CUL5: variants seen among roughly 807,000 people sequenced by gnomAD.
The protein encoded by CUL5 is cullin-5.
Under a neutral mutation model 108.8 loss-of-function variants are expected in CUL5, and 26 were observed. The ratio of observed to expected loss-of-function variants is 0.24; its 90% confidence interval spans 0.18 to 0.33. The LOEUF is 0.33. CUL5 is among the 10% of genes least tolerant of loss of function. The pLI is 1.00. For missense variants in CUL5, 524 were observed against 909.2 expected (o/e 0.58, Z 5.45); for synonymous variants, 334 against 298.0 (o/e 1.12, Z -1.25).
rs1009801864 is a variant in CUL5 at position 108,045,880 on chromosome 11, A to T, written c.135-390A>T. On this transcript the variant is annotated intron_variant, in intron 2 of 18. Transcript: ENST00000393094. ...GTCTCTAAAAAATAAAAATAAAAAA[A>T]TTTTTAAAAATAATTAAAAAGGACA... Among the ~76,000 whole-genome samples, 6 of 152,284 alleles carry T rather than the reference A, an allele frequency of 3.9e-5. 1 individual carries two copies. Among genetic ancestry groups the T allele is most frequent in the Admixed American group, 6.5e-5 (1 of 15,290 alleles).
intron 2 of CUL5, among the ~76,000 whole-genome samples, chr11:108,042,341 C>T (rs565761000): frequency 6.6e-6 from 1 of 151,556 alleles, no homozygotes; most frequent in African/African-American, 2.4e-5. Context: ...GCCTCAGCCT[C>T]CCAAATTGCT....
chr11:108,062,640 A>G (rs1004563777), intron 7 of CUL5, among the ~76,000 whole-genome samples: 3 of 151,708 alleles, frequency 2.0e-5, no homozygotes, highest in Non-Finnish European at 2.9e-5. Flanking sequence ...GGGTTACATG[A>G]GACATTTTGA....
At chr11:108,076,906 T>C (rs917001526) in intron 10 of CUL5, among the ~76,000 whole-genome samples, 1 of 152,244 alleles carries the variant, frequency 6.6e-6, no homozygotes, top group Non-Finnish European at 1.5e-5. Flanking sequence ...AAATAGTTTT[T>C]GGAGAGATGG....
intron 18 of CUL5, among the ~76,000 whole-genome samples, chr11:108,102,628 G>T (rs972191262): frequency 6.6e-5 from 10 of 152,070 alleles, no homozygotes; most frequent in African/African-American, 2.4e-4. Flanking sequence ...ACCCTCCCTG[G>T]CTGGTTATCA....
intron 13 of CUL5, 59 bp from the exon 14 acceptor site, chr11:108,094,332 C>T: frequency 3.2e-6 from 4 of 1,259,930 alleles, no homozygotes; most frequent in South Asian, 1.5e-5. Context: ...AAAATTTTTC[C>T]CAGTAATATA....
chr11:108,074,978 CTG>C (rs766221838), intron 10 of CUL5, among the ~76,000 whole-genome samples: 28 of 151,972 alleles, frequency 1.8e-4, no homozygotes, highest in Admixed American at 6.6e-4. Context: ...TTAGTTTTTA[CTG>C]TGAGTAGGAT....
chr11:108,040,399 G>T (rs180836541), intron 2 of CUL5, among the ~76,000 whole-genome samples: 22 of 152,250 alleles, frequency 1.4e-4, no homozygotes, highest in Non-Finnish European at 2.9e-4. Flanking sequence ...ATCACCTGAG[G>T]TCAGGAGTTC....
At chr11:108,095,179 C>T (rs531305715) in intron 15 of CUL5, among the ~76,000 whole-genome samples, 192 bp downstream of exon 15, 9 of 152,258 alleles carry the variant, frequency 5.9e-5, no homozygotes, top group East Asian at 3.9e-4. Flanking sequence ...AAGATACTGC[C>T]GTTGTCTACA....
At chr11:108,062,373 A>G (rs1222584190) in intron 7 of CUL5, among the ~76,000 whole-genome samples, 1 of 152,134 alleles carries the variant, frequency 6.6e-6, no homozygotes, top group Non-Finnish European at 1.5e-5. Flanking sequence ...TCAGGAATGT[A>G]GTCCCATCAA....
intron 18 of CUL5, among the ~76,000 whole-genome samples, chr11:108,103,425 A>G (rs796070544): frequency 6.6e-6 from 1 of 150,990 alleles, no homozygotes; most frequent in Non-Finnish European, 1.5e-5. Context: ...GAAAAAAAAA[A>G]CCTTAAAAAC....
At chr11:108,102,570 A>G (rs546964155) in intron 18 of CUL5, among the ~76,000 whole-genome samples, 4 of 151,860 alleles carry the variant, frequency 2.6e-5, no homozygotes, top group South Asian at 2.1e-4. Context: ...GACTCAAACG[A>G]TCCACCCACC....
Position 108,104,485 on chromosome 11 carries a change from A to G in CUL5, c.*101A>G, listed in dbSNP as rs1864742991. On this transcript the variant is annotated 3_prime_UTR_variant, in exon 19 of 19. Transcript: ENST00000393094. ...AGAAAGGTTTATTTGGACTTTGATTACATAAATATTAAAATCTCTGCCTTA... is the reference window on the plus strand; with the variant it reads ...AGAAAGGTTTATTTGGACTTTGATTGCATAAATATTAAAATCTCTGCCTTA... The G allele has an allele frequency of 2.8e-6, 2 of 713,584 alleles. No homozygotes were observed. The highest frequency in any genetic ancestry group is 2.9e-5 in the East Asian group (1 of 34,948). The allele number at this position is 713,584 out of a possible 1,614,324, so 44.2% of individuals were successfully genotyped here.
intron 11 of CUL5, among the ~76,000 whole-genome samples, chr11:108,082,067 G>T (rs922998726): frequency 2.6e-5 from 4 of 152,124 alleles, no homozygotes. Flanking sequence ...TTATGAAAAT[G>T]GAATTTCTTT....
intron 1 of CUL5, among the ~76,000 whole-genome samples, chr11:108,030,435 T>G (rs1394779821): frequency 6.6e-6 from 1 of 152,118 alleles, no homozygotes; most frequent in Non-Finnish European, 1.5e-5. Flanking sequence ...GTCGGGAGTT[T>G]GAGACCAGCC....
At chr11:108,086,423 TCAAAA>T (rs1473260142) in intron 11 of CUL5, among the ~76,000 whole-genome samples, 2 of 152,046 alleles carry the variant, frequency 1.3e-5, no homozygotes, top group African/African-American at 4.8e-5. Flanking sequence ...GATGTCCATA[TCAAAA>T]CAAAAATAAA....
At chr11:108,043,750 A>G (rs1460358025) in intron 2 of CUL5, among the ~76,000 whole-genome samples, 1 of 152,174 alleles carries the variant, frequency 6.6e-6, no homozygotes, top group Non-Finnish European at 1.5e-5. Context: ...TTAGAATAGT[A>G]TCTGGCTGGT....
intron 7 of CUL5, among the ~76,000 whole-genome samples, chr11:108,068,201 G>T (rs970435264): frequency 6.6e-6 from 1 of 152,188 alleles, no homozygotes; most frequent in African/African-American, 2.4e-5. Flanking sequence ...TATAGGCTAT[G>T]AGCCACCACG....
chr11:108,102,983 A>G (rs749388881), intron 18 of CUL5, among the ~76,000 whole-genome samples: 4 of 151,880 alleles, frequency 2.6e-5, no homozygotes, highest in African/African-American at 7.3e-5. Context: ...TTTTATAGAG[A>G]TGGGGTTTCG....
intron 5 of CUL5, among the ~76,000 whole-genome samples, chr11:108,053,559 A>G (rs370259465): frequency 6.6e-6 from 1 of 152,178 alleles, no homozygotes; most frequent in Non-Finnish European, 1.5e-5. Flanking sequence ...GAGTTTTGAA[A>G]TAGTCGTCTT....
Sources: gnomAD v4.1 joint callset for allele counts (sites outside exome capture counted in the v4.1 genomes callset) on GRCh38, gnomAD v4.1.1 for gene constraint, MANE v1.5 for transcripts, NCBI Gene and HGNC (gene_info 2026-07-23, HGNC 2026-07-21) for gene names.